The following SYNE1 variants were observed in gnomAD, a reference collection of about 807,000 sequenced individuals.
SYNE1 encodes spectrin repeat containing nuclear envelope protein 1.
In SYNE1, 616 loss-of-function variants were observed where a neutral mutation model predicts 1,111.0. The observed-to-expected ratio is 0.55, with a 90% confidence interval of 0.52 to 0.59. The LOEUF (loss-of-function observed/expected upper bound fraction) is 0.59. Among genes scored for constraint, SYNE1 ranks in the 20% least tolerant of loss-of-function variants. The pLI is 0.00. For synonymous variants in SYNE1, 3,855 were observed against 3,825.8 expected, an observed-to-expected ratio of 1.01 and a Z score of -0.28; for missense variants, 10,006 against 10,417.0, an observed-to-expected ratio of 0.96 and a Z score of 1.72.
At chr6:152,333,190 G>A (rs1308974561) in intron 77 of SYNE1, among the ~76,000 whole-genome samples, 2 of 152,138 alleles carry the variant, frequency 1.3e-5, no homozygotes, top group Admixed American at 6.5e-5. Context: ...TAATGATCCA[G>A]TATGTGTGTG....
intron 3 of SYNE1, among the ~76,000 whole-genome samples, chr6:152,564,762 C>A (rs573642611): frequency 6.6e-6 from 1 of 152,126 alleles, no homozygotes; most frequent in Non-Finnish European, 1.5e-5. Context: ...CCTCAACAGA[C>A]TTTGGGGTCT....
intron 127 of SYNE1, among the ~76,000 whole-genome samples, chr6:152,193,189 T>C (rs1441752233): frequency 1.3e-5 from 2 of 152,214 alleles, no homozygotes; most frequent in Admixed American, 6.5e-5. Flanking sequence ...TCACTGTTGG[T>C]ATGTTTTAAT....
At chr6:152,384,398 GTAGATGGA>G (rs1304358820) in intron 55 of SYNE1, among the ~76,000 whole-genome samples, 2 of 152,142 alleles carry the variant, frequency 1.3e-5, no homozygotes, top group East Asian at 3.8e-4. Flanking sequence ...GGATAGATGG[GTAGATGGA>G]TAGATGGAAG....
At chr6:152,182,322 T>A (rs1332170247) in intron 128 of SYNE1, among the ~76,000 whole-genome samples, 1 of 152,334 alleles carries the variant, frequency 6.6e-6, no homozygotes, top group South Asian at 2.1e-4. Flanking sequence ...GGTAAGAAGG[T>A]CTGAAGACGT....
At chr6:152,302,913 C>A (rs1021099407) in intron 91 of SYNE1, among the ~76,000 whole-genome samples, 1 of 151,872 alleles carries the variant, frequency 6.6e-6, no homozygotes, top group Non-Finnish European at 1.5e-5. Context: ...ATCTGGATAG[C>A]ACATAACCCT....
chr6:152,434,961 T>TA (rs1310226483), intron 33 of SYNE1: 1 of 152,150 alleles, frequency 6.6e-6, no homozygotes, highest in Non-Finnish European at 1.5e-5. Flanking sequence ...AAATAAAGGT[T>TA]AAAATGGCTA....
chr6:152,296,916 CA>C (rs1360803796), intron 93 of SYNE1, among the ~76,000 whole-genome samples: 4 of 151,378 alleles, frequency 2.6e-5, no homozygotes, highest in African/African-American at 9.8e-5. Flanking sequence ...TTTTTATCAC[CA>C]GGGTGGACCA....
intron 101 of SYNE1, among the ~76,000 whole-genome samples, chr6:152,261,171 G>C (rs535757601): frequency 7.9e-5 from 12 of 152,312 alleles, no homozygotes; most frequent in African/African-American, 2.6e-4. Context: ...CAGAGCAACA[G>C]GAAAGGTTTT....
chr6:152,360,754 C>A (rs939501364), intron 64 of SYNE1, among the ~76,000 whole-genome samples: 1 of 152,086 alleles, frequency 6.6e-6, no homozygotes, highest in African/African-American at 2.4e-5. Context: ...ATAATACATG[C>A]AGGTATTTAT....
chr6:152,589,858 C>A (rs2099553246), intron 3 of SYNE1, among the ~76,000 whole-genome samples: 1 of 151,930 alleles, frequency 6.6e-6, no homozygotes, highest in Non-Finnish European at 1.5e-5. Context: ...GCTGTTTGAA[C>A]CTACTGTCTC....
chr6:152,609,757 G>A (rs2099626072), intron 3 of SYNE1, among the ~76,000 whole-genome samples: 1 of 152,120 alleles, frequency 6.6e-6, no homozygotes, highest in Admixed American at 6.5e-5. Context: ...GGTCTATATG[G>A]GGATGAAGTT....
chr6:152,439,909 G>A (rs2098512766), intron 32 of SYNE1, among the ~76,000 whole-genome samples: 1 of 152,132 alleles, frequency 6.6e-6, no homozygotes, highest in Admixed American at 6.5e-5. Context: ...GGTTCACCAA[G>A]TACACCTACT....
At chr6:152,568,301 T>C (rs2099427199) in intron 3 of SYNE1, among the ~76,000 whole-genome samples, 1 of 139,038 alleles carries the variant, frequency 7.2e-6, no homozygotes, top group Non-Finnish European at 1.6e-5. Flanking sequence ...TTTTTTTTTT[T>C]TTTTTTTTTT....
At chr6:152,168,193 C>G in intron 130 of SYNE1, 1 of 770,098 alleles carries the variant, frequency 1.3e-6, no homozygotes. Context: ...TCAGGTCCTC[C>G]GCCACCACCA....
At chr6:152,584,206 A>G (rs2099529806) in intron 3 of SYNE1, among the ~76,000 whole-genome samples, 1 of 152,176 alleles carries the variant, frequency 6.6e-6, no homozygotes, top group African/African-American at 2.4e-5. Context: ...GACACATGTC[A>G]TATACACTTG....
intron 2 of SYNE1, among the ~76,000 whole-genome samples, chr6:152,631,370 C>T (rs1408667749): frequency 1.3e-5 from 2 of 152,090 alleles, no homozygotes; most frequent in Non-Finnish European, 2.9e-5. Context: ...TACAAGGTGA[C>T]ATTGTGGAAA....
intron 131 of SYNE1, among the ~76,000 whole-genome samples, chr6:152,163,250 C>A (rs2062896963): frequency 6.6e-6 from 1 of 152,142 alleles, no homozygotes; most frequent in South Asian, 2.1e-4. Context: ...GTAATCCCAG[C>A]ACTTTGTGAG....
At chr6:152,415,941 T>C (rs1378730130) in intron 41 of SYNE1, among the ~76,000 whole-genome samples, 1 of 152,024 alleles carries the variant, frequency 6.6e-6, no homozygotes, top group Admixed American at 6.6e-5. Context: ...AAATATGAAA[T>C]TACAGAAACA....
intron 128 of SYNE1, among the ~76,000 whole-genome samples, chr6:152,185,596 T>C (rs1487223100): frequency 1.3e-5 from 2 of 152,236 alleles, no homozygotes; most frequent in Non-Finnish European, 2.9e-5. Flanking sequence ...GAAGTATTAA[T>C]AACGTAAGTA....
Sources: gnomAD v4.1 joint callset for allele counts (sites outside exome capture counted in the v4.1 genomes callset) on GRCh38, gnomAD v4.1.1 for gene constraint, MANE v1.5 for transcripts, NCBI Gene and HGNC (gene_info 2026-07-23, HGNC 2026-07-21) for gene names.